Variants in LRRC37A2 observed in about 807,000 individuals in gnomAD.
LRRC37A2 encodes the protein leucine-rich repeat-containing protein 37A2.
Under a neutral mutation model 68.8 loss-of-function variants are expected in LRRC37A2, and 9 were observed. The ratio of observed to expected loss-of-function variants is 0.13; its 90% confidence interval spans 0.08 to 0.23. The LOEUF is 0.23. LRRC37A2 is among the 10% of genes least tolerant of loss of function. LRRC37A2 has a pLI of 1.00. For missense variants in LRRC37A2, 168 were observed against 950.4 expected (o/e 0.18, Z 10.82); for synonymous variants, 63 against 367.6 (o/e 0.17, Z 9.48).
chr17:46,707,326 T>G, the LRRC37A2 span, among the ~76,000 whole-genome samples: 2 of 152,236 alleles, frequency 1.3e-5, no homozygotes, highest in Non-Finnish European at 2.9e-5. Flanking sequence ...TACTGCTTAT[T>G]TGATTGATAC....
chr17:46,854,011 G>A, the LRRC37A2 span, among the ~76,000 whole-genome samples: 3 of 152,076 alleles, frequency 2.0e-5, no homozygotes, highest in Non-Finnish European at 1.5e-5. Flanking sequence ...AGGGCTGAGA[G>A]GGATGAGTAT....
the LRRC37A2 span, among the ~76,000 whole-genome samples, chr17:46,894,607 G>A: frequency 6.6e-6 from 1 of 152,212 alleles, no homozygotes; most frequent in Non-Finnish European, 1.5e-5. Context: ...TGTGGCTGTG[G>A]TGGGTGCTGG....
chr17:46,734,248 G>T, the LRRC37A2 span, among the ~76,000 whole-genome samples: 2 of 152,166 alleles, frequency 1.3e-5, no homozygotes, highest in Non-Finnish European at 2.9e-5. Flanking sequence ...CCATCTATTT[G>T]TTCAAAATTA....
At chr17:46,978,647 A>C in the LRRC37A2 span, 1 of 1,597,962 alleles carries the variant, frequency 6.3e-7, no homozygotes, top group Non-Finnish European at 8.5e-7. Flanking sequence ...GATGGCGCTC[A>C]GTACAGCCCC....
the LRRC37A2 span, among the ~76,000 whole-genome samples, chr17:46,718,836 G>C: frequency 6.6e-6 from 1 of 152,190 alleles, no homozygotes; most frequent in Non-Finnish European, 1.5e-5. Context: ...ATGAAGTGTA[G>C]TGGTTATTTT....
At chr17:46,881,944 T>G in the LRRC37A2 span, among the ~76,000 whole-genome samples, 2 of 152,194 alleles carry the variant, frequency 1.3e-5, no homozygotes, top group Non-Finnish European at 2.9e-5. Context: ...AAAAATTATC[T>G]ACTACATAGT....
At chr17:46,860,688 T>C in the LRRC37A2 span, among the ~76,000 whole-genome samples, 1 of 152,248 alleles carries the variant, frequency 6.6e-6, no homozygotes, top group South Asian at 2.1e-4. Flanking sequence ...GAAGAGTCTT[T>C]GGTGGTGACA....
chr17:46,605,056 A>G, the LRRC37A2 span, among the ~76,000 whole-genome samples: 2 of 6,674 alleles, frequency 3.0e-4, no homozygotes, highest in Non-Finnish European at 8.2e-4. Flanking sequence ...AAAACAACCT[A>G]CAAATTTAGG....
At chr17:46,896,461 A>ACC in the LRRC37A2 span, among the ~76,000 whole-genome samples, 1 of 142,480 alleles carries the variant, frequency 7.0e-6, no homozygotes, top group African/African-American at 2.8e-5. Flanking sequence ...AAAAAGAAAG[A>ACC]AAGAAAGAAA....
At chr17:46,529,210 A>G (rs62073316) in intron 6 of LRRC37A2, among the ~76,000 whole-genome samples, 61,136 of 109,684 alleles carry the variant, frequency 0.56, 21,336 homozygotes, top group Middle Eastern at 0.76. Flanking sequence ...AAAAAGAACA[A>G]GCAAGAAATG....
chr17:46,842,986 A>G, the LRRC37A2 span, among the ~76,000 whole-genome samples: 1 of 152,230 alleles, frequency 6.6e-6, no homozygotes, highest in Non-Finnish European at 1.5e-5. Context: ...GTTAGGACCC[A>G]GGGTTCTCTC....
At chr17:46,404,521 G>A in the LRRC37A2 span, among the ~76,000 whole-genome samples, 4 of 98,082 alleles carry the variant, frequency 4.1e-5, no homozygotes, top group Non-Finnish European at 9.2e-5. Context: ...GACTTTGTTC[G>A]TGCCATCAGA....
chr17:47,004,300 TC>T, the LRRC37A2 span, among the ~76,000 whole-genome samples: 1 of 152,250 alleles, frequency 6.6e-6, no homozygotes, highest in Non-Finnish European at 1.5e-5. Context: ...CGCCACAGTG[TC>T]TTCCACAATG....
the LRRC37A2 span, among the ~76,000 whole-genome samples, chr17:46,494,009 TA>T: frequency 6.6e-6 from 1 of 150,524 alleles, no homozygotes; most frequent in South Asian, 2.1e-4. Flanking sequence ...CATGTGTGGC[TA>T]ATTTTTGTAT....
At chr17:46,992,206 A>ATAAG in the LRRC37A2 span, among the ~76,000 whole-genome samples, 3 of 151,354 alleles carry the variant, frequency 2.0e-5, no homozygotes, top group African/African-American at 7.3e-5. Context: ...TACTAAATAA[A>ATAAG]TAAATAAATA....
chr17:46,795,899 T>C, the LRRC37A2 span, among the ~76,000 whole-genome samples: 4 of 152,122 alleles, frequency 2.6e-5, no homozygotes, highest in Non-Finnish European at 4.4e-5. Flanking sequence ...CACACATGCA[T>C]GCACGCACAC....
chr17:46,941,430 A>G, the LRRC37A2 span: 11 of 984,288 alleles, frequency 1.1e-5, no homozygotes, highest in Middle Eastern at 5.2e-4. Context: ...TTATGTTTCT[A>G]GGCCAGAGAT....
chr17:46,881,241 G>A, the LRRC37A2 span, among the ~76,000 whole-genome samples: 2 of 152,226 alleles, frequency 1.3e-5, no homozygotes, highest in Non-Finnish European at 2.9e-5. Context: ...GCGGGAGGCA[G>A]AGGTGGGCCC....
chr17:46,789,250 G>A, the LRRC37A2 span, among the ~76,000 whole-genome samples: 10 of 152,278 alleles, frequency 6.6e-5, no homozygotes, highest in Admixed American at 2.0e-4. Context: ...CACCAGGGCT[G>A]GCACCTACCT....
Sources: gnomAD v4.1 joint callset for allele counts (sites outside exome capture counted in the v4.1 genomes callset) on GRCh38, gnomAD v4.1.1 for gene constraint, MANE v1.5 for transcripts, NCBI Gene and HGNC (gene_info 2026-07-23, HGNC 2026-07-21) for gene names.